The following STAT5A variants were observed in gnomAD, a reference collection of about 807,000 sequenced individuals.
The protein encoded by STAT5A is epididymis secretory sperm binding protein.
Under a neutral mutation model 100.2 loss-of-function variants are expected in STAT5A, and 26 were observed. The observed-to-expected ratio is 0.26, with a 90% CI of 0.19 to 0.36. The LOEUF (loss-of-function observed/expected upper bound fraction) is 0.36, where lower values mean the gene tolerates loss of function less well. STAT5A is among the 10% of genes least tolerant of loss of function. STAT5A has a pLI of 1.00. For synonymous variants in STAT5A, 330 were observed against 424.3 expected (o/e 0.78, Z 2.73); for missense variants, 634 against 1,027.5 (o/e 0.62, Z 5.24).
Position 42,301,204 on chromosome 17 carries a change from C to T in STAT5A, c.990-71C>T. On this transcript the variant is annotated intron_variant, in intron 8 of 18. Transcript: ENST00000590949. ...CCATGGGAGGCAGCCCCACCCCCACCACAGAGGGACTGAGAGCCCTTTCCC... is the reference window on the plus strand; with the variant it reads ...CCATGGGAGGCAGCCCCACCCCCACTACAGAGGGACTGAGAGCCCTTTCCC... 3 of 1,571,836 alleles carry T rather than the reference C, an allele frequency of 1.9e-6. No individual in the cohort carries two copies. In the South Asian group the frequency reaches 3.6e-5, roughly 19 times the overall value.
chr17:42,308,469 T>G lies in STAT5A; in HGVS notation c.2062+136T>G. The G allele has an allele frequency of 8.1e-7, 1 of 1,236,652 alleles. No homozygotes were observed. The highest frequency in any genetic ancestry group is 1.4e-5 in the South Asian group (1 of 72,600). The allele number at this position is 1,236,652 out of a possible 1,614,324, so 76.6% of individuals were successfully genotyped here. ...CATGTCCCCTGTGGGTTTTGGCCCA[T>G]GGGGTGGTGGAGAGGATTTCAGGGC... is the stretch of plus-strand genomic sequence containing the variant. On this transcript the variant is annotated intron_variant, in intron 16 of 18. Transcript: ENST00000590949. This position sits in a 1 kb window ranked among gnomAD's most constrained non-coding sequence, Gnocchi z 4.6.
intron 4 of STAT5A, among the ~76,000 whole-genome samples, chr17:42,292,917 C>A (rs557979687): frequency 6.6e-6 from 1 of 152,188 alleles, no homozygotes; most frequent in East Asian, 1.9e-4. Flanking sequence ...CGTGAGCCAC[C>A]GTGCCCGGCC....
chr17:42,303,732 C>T (rs1460339254), intron 9 of STAT5A, among the ~76,000 whole-genome samples: 1 of 151,918 alleles, frequency 6.6e-6, no homozygotes, highest in African/African-American at 2.4e-5. Flanking sequence ...GAAAAAAGAG[C>T]AATCTGCTAG....
intron 17 of STAT5A, 55 bp from the exon 18 acceptor site, chr17:42,309,322 A>G: frequency 6.3e-7 from 1 of 1,599,474 alleles, no homozygotes; most frequent in Non-Finnish European, 8.5e-7. Flanking sequence ...CCCCTCCCCA[A>G]GTCAGCTGCC....
At chr17:42,295,240 G>A (rs1231170908) in intron 4 of STAT5A, among the ~76,000 whole-genome samples, 3 of 152,128 alleles carry the variant, frequency 2.0e-5, no homozygotes, top group African/African-American at 7.2e-5. Flanking sequence ...TGTAGAGCGA[G>A]GGGTCATCAT....
intron 4 of STAT5A, among the ~76,000 whole-genome samples, chr17:42,294,565 G>A (rs1411721404): frequency 6.6e-6 from 1 of 152,208 alleles, no homozygotes; most frequent in Non-Finnish European, 1.5e-5. Context: ...TAGGACTACT[G>A]TGAATTGGCT....
intron 1 of STAT5A, chr17:42,289,162 G>C: frequency 5.0e-6 from 2 of 400,414 alleles, no homozygotes; most frequent in Non-Finnish European, 8.9e-6. Flanking sequence ...AGAGGAAGAC[G>C]GGGAGGGCAC....
At chr17:42,294,949 G>A (rs1296944174) in intron 4 of STAT5A, among the ~76,000 whole-genome samples, 1 of 151,204 alleles carries the variant, frequency 6.6e-6, no homozygotes, top group East Asian at 1.9e-4. Context: ...CAAGGCTAGA[G>A]TGCAGTGGCG....
In STAT5A at chr17:42,310,733, T is replaced by G; in HGVS notation, c.*64T>G. 1.2e-6 allele frequency: 2 copies of G among 1,605,036 alleles called. No homozygotes were observed. The highest frequency in any genetic ancestry group is 1.7e-6 in the Non-Finnish European group (2 of 1,174,682). On this transcript the variant is annotated 3_prime_UTR_variant, in exon 19 of 19. Transcript: ENST00000590949. ...AATGTGAAGCGGTCGTGTTGTGAGT[T>G]TAGTAAGGCTGTGTACACTGACACC...
At chr17:42,310,031 G>C (rs777930514) in intron 18 of STAT5A, among the ~76,000 whole-genome samples, 59 of 152,236 alleles carry the variant, frequency 3.9e-4, no homozygotes, top group Non-Finnish European at 6.5e-4. Context: ...CAAGCTTCCT[G>C]ATATGGCCTT....
chr17:42,297,012 C>T (rs1466985932), intron 5 of STAT5A, among the ~76,000 whole-genome samples: 1 of 152,184 alleles, frequency 6.6e-6, no homozygotes, highest in African/African-American at 2.4e-5. Flanking sequence ...CTCACTGCGA[C>T]CTCTGCCTCT....
intron 5 of STAT5A, among the ~76,000 whole-genome samples, chr17:42,297,406 T>G (rs1598358130): frequency 6.6e-6 from 1 of 152,154 alleles, no homozygotes; most frequent in East Asian, 1.9e-4. Context: ...GCCTGGCTTT[T>G]CTGTTTCCTG....
chr17:42,304,670 C>G lies in STAT5A; in HGVS notation c.1380+18C>G. 1 of 1,613,566 alleles carries G rather than the reference C, an allele frequency of 6.2e-7. No homozygotes were observed. Among genetic ancestry groups the G allele is most frequent in the South Asian group, 1.1e-5 (1 of 90,926 alleles). Reference sequence around the variant, plus strand: ...AGGTGAAGGTGAGACCCCCAGCCCTCCTGCCCCCACTGCTCCAGGTCACCC... The same window carrying G: ...AGGTGAAGGTGAGACCCCCAGCCCTGCTGCCCCCACTGCTCCAGGTCACCC... On this transcript the variant is annotated intron_variant, in intron 11 of 18. Transcript: ENST00000590949. This position sits in a 1 kb window ranked among gnomAD's most constrained non-coding sequence, Gnocchi z 4.8.
rs1038776314 is a variant in STAT5A at position 42,289,881 on chromosome 17, G to A, written c.144G>A (p.Leu48=). ...CTGCCCCAAGGGATGCCATTGACTT[G>A]GACAATCCCCAGGACAGAGCCCAAG... ...IESQPWDAID[L]DNPQDRAQAT... Residue 48 remains leucine, a synonymous_variant, in exon 3 of 19, where the codon TTG becomes TTA. Coordinates refer to ENST00000590949, the MANE Select transcript of STAT5A (RefSeq NM_001288718.2). The A allele has an allele frequency of 3.2e-6, 5 of 1,576,094 alleles. No individual in the cohort carries two copies. The Admixed American group carries it at 5.6e-5, about 18-fold the overall frequency.
rs774831875 is a variant in STAT5A at position 42,310,616 on chromosome 17, C to T, written c.2332C>T (p.Arg778Cys). The T allele has an allele frequency of 2.2e-5, 36 of 1,614,196 alleles. No homozygotes were observed. Among genetic ancestry groups the T allele is most frequent in the South Asian group, 9.9e-5 (9 of 91,092 alleles). ...LRRPMDSLDS[R>C]LSPPAGLFTS... ...CCGACCAATGGACAGTCTTGACTCC[C>T]GCCTCTCGCCCCCTGCCGGTCTTTT... The change falls in exon 19 of 19, where the codon CGC (arginine) becomes TGC (cysteine). Residue 778 changes from arginine (R) to cysteine (C), a missense_variant. Transcript: ENST00000590949.
rs1309279065 is a variant in STAT5A, at chr17:42,311,669, G to A, written c.*1000G>A. 2 of 152,756 alleles carry A rather than the reference G, an allele frequency of 1.3e-5. No homozygotes were observed. Among genetic ancestry groups the A allele is most frequent in the East Asian group, 3.8e-4 (2 of 5,232 alleles). 9.5% of individuals were successfully genotyped at this position (152,756 alleles called of 1,614,324 possible). ...TGGAGTGAGGGGTAAAAGCTGATCTGGTTTGACTCCGCTGGAGGTGGGGCC... is the reference window on the plus strand; with the variant it reads ...TGGAGTGAGGGGTAAAAGCTGATCTAGTTTGACTCCGCTGGAGGTGGGGCC... On this transcript the variant is annotated 3_prime_UTR_variant, in exon 19 of 19. Coordinates refer to ENST00000590949, the MANE Select transcript of STAT5A (RefSeq NM_001288718.2).
intron 5 of STAT5A, among the ~76,000 whole-genome samples, chr17:42,297,167 C>T (rs924451786): frequency 1.3e-5 from 2 of 152,012 alleles, no homozygotes; most frequent in Non-Finnish European, 2.9e-5. Context: ...CAACCTCTAG[C>T]CTCGAGTGAT....
Position 42,304,691 on chromosome 17 carries a change from C to A in STAT5A, c.1380+39C>A, listed in dbSNP as rs780402559. 1.9e-6 allele frequency: 3 copies of A among 1,611,022 alleles called. No homozygotes were observed. The highest frequency in any genetic ancestry group is 4.5e-5 in the East Asian group (2 of 44,886). On this transcript the variant is annotated intron_variant, in intron 11 of 18. Coordinates refer to ENST00000590949, the MANE Select transcript of STAT5A (RefSeq NM_001288718.2). The surrounding 1 kb of genome is among the most constrained non-coding windows in gnomAD (Gnocchi z 4.8). ...CCCTCCTGCCCCCACTGCTCCAGGT[C>A]ACCCAAGAGGTGGAGGGGCCTGCCT...
chr17:42,306,098 C>T (rs1005518558), intron 12 of STAT5A, 143 bp from the exon 13 acceptor site: 22 of 1,437,716 alleles, frequency 1.5e-5, no homozygotes, highest in South Asian at 2.6e-5. Flanking sequence ...TAAAAGCCGC[C>T]GCATTTCCTG....
Sources: gnomAD v4.1 joint callset for allele counts (sites outside exome capture counted in the v4.1 genomes callset) on GRCh38, gnomAD v4.1.1 for gene constraint, Gnocchi (gnomAD v3.1) non-coding constraint, MANE v1.5 for transcripts, NCBI Gene and HGNC (gene_info 2026-07-23, HGNC 2026-07-21) for gene names.